Variants in CNTNAP5 observed in about 807,000 individuals in gnomAD.
CNTNAP5 encodes the protein contactin-associated protein-like 5.
A neutral mutation model predicts 150.2 loss-of-function variants in CNTNAP5; 72 were observed. That is an observed-to-expected ratio of 0.48 (90% CI 0.40 to 0.58). The LOEUF is 0.58. Ranked by LOEUF, CNTNAP5 falls within the 20% of genes least tolerant of loss-of-function variation. CNTNAP5 has a pLI of 0.00. For missense variants in CNTNAP5, 1,636 were observed against 1,626.2 expected, an observed-to-expected ratio of 1.01 and a Z score of -0.10; for synonymous variants, 672 against 619.8, an observed-to-expected ratio of 1.08 and a Z score of -1.25.
chr2:124,096,986 G>A (rs1682953586), intron 1 of CNTNAP5, among the ~76,000 whole-genome samples: 1 of 152,076 alleles, frequency 6.6e-6, no homozygotes, highest in African/African-American at 2.4e-5. Context: ...TTACAGGTGT[G>A]AGCCAGTGTG....
chr2:124,331,045 T>C (rs1440955563), intron 3 of CNTNAP5, among the ~76,000 whole-genome samples: 1 of 152,114 alleles, frequency 6.6e-6, no homozygotes, highest in Non-Finnish European at 1.5e-5. Context: ...TATCAGAAAT[T>C]ACCAGAAACT....
intron 11 of CNTNAP5, among the ~76,000 whole-genome samples, chr2:124,592,375 A>ATGTG (rs10675321): frequency 0.43 from 63,946 of 149,546 alleles, 14,064 homozygotes; most frequent in East Asian, 0.76. Flanking sequence ...GTATATATAT[A>ATGTG]TGTGTGTGTG....
At chr2:124,229,990 A>G (rs1467883508) in intron 2 of CNTNAP5, among the ~76,000 whole-genome samples, 2 of 151,870 alleles carry the variant, frequency 1.3e-5, no homozygotes, top group Non-Finnish European at 2.9e-5. Flanking sequence ...ATTTTTTGAG[A>G]TGCTTGCCTG....
intron 13 of CNTNAP5, among the ~76,000 whole-genome samples, chr2:124,687,427 T>G (rs1679214702): frequency 6.6e-6 from 1 of 152,068 alleles, no homozygotes. Context: ...TTTAACATTC[T>G]TTAAGACCTT....
intron 6 of CNTNAP5, among the ~76,000 whole-genome samples, chr2:124,454,996 A>T (rs1693085020): frequency 6.6e-6 from 1 of 152,134 alleles, no homozygotes; most frequent in African/African-American, 2.4e-5. Context: ...CTAGAGAAAC[A>T]AGAACAAACT....
At chr2:124,374,687 A>G (rs925066145) in intron 3 of CNTNAP5, among the ~76,000 whole-genome samples, 3 of 152,120 alleles carry the variant, frequency 2.0e-5, no homozygotes, top group African/African-American at 7.2e-5. Flanking sequence ...CATAAGTCAG[A>G]CCAACTCTAT....
intron 3 of CNTNAP5, among the ~76,000 whole-genome samples, chr2:124,328,454 C>G (rs1689272987): frequency 6.6e-6 from 1 of 152,148 alleles, no homozygotes; most frequent in African/African-American, 2.4e-5. Flanking sequence ...GAGCTCAATC[C>G]AAAATCTCCA....
At chr2:124,431,158 G>A (rs946858044) in intron 4 of CNTNAP5, among the ~76,000 whole-genome samples, 24 of 152,240 alleles carry the variant, frequency 1.6e-4, no homozygotes, top group Non-Finnish European at 2.6e-4. Context: ...TCATGACAAC[G>A]TGGAGATGTG....
At chr2:124,307,917 T>G (rs1439978801) in intron 3 of CNTNAP5, among the ~76,000 whole-genome samples, 1 of 152,184 alleles carries the variant, frequency 6.6e-6, no homozygotes, top group South Asian at 2.1e-4. Flanking sequence ...CCAGGCCTGC[T>G]GGATCAGAAC....
At chr2:124,775,938 A>G (rs1434552052) in intron 17 of CNTNAP5, among the ~76,000 whole-genome samples, 3 of 152,176 alleles carry the variant, frequency 2.0e-5, no homozygotes, top group African/African-American at 7.2e-5. Context: ...AGATCTGAGT[A>G]TGCATTCCTG....
At chr2:124,403,294 CTCTG>C (rs1433903076) in intron 3 of CNTNAP5, among the ~76,000 whole-genome samples, 11 of 151,884 alleles carry the variant, frequency 7.2e-5, no homozygotes, top group South Asian at 2.1e-4. Flanking sequence ...TTTTTTTTCT[CTCTG>C]TCTTTCTTTC....
chr2:124,471,180 A>G (rs959029167), intron 6 of CNTNAP5, among the ~76,000 whole-genome samples: 1 of 152,172 alleles, frequency 6.6e-6, no homozygotes, highest in African/African-American at 2.4e-5. Context: ...CATTTTCACA[A>G]TATTGATTCT....
intron 1 of CNTNAP5, among the ~76,000 whole-genome samples, chr2:124,212,094 G>T (rs1283031189): frequency 6.6e-6 from 1 of 152,132 alleles, no homozygotes; most frequent in Non-Finnish European, 1.5e-5. Context: ...TTCTTTAGTT[G>T]CCTCCTTTCC....
intron 3 of CNTNAP5, among the ~76,000 whole-genome samples, chr2:124,257,070 C>A (rs1300924369): frequency 6.6e-6 from 1 of 152,112 alleles, no homozygotes; most frequent in Non-Finnish European, 1.5e-5. Context: ...CAAAGACTAC[C>A]AAGAGCCTCT....
intron 11 of CNTNAP5, among the ~76,000 whole-genome samples, chr2:124,588,443 G>A (rs1696605548): frequency 6.6e-6 from 1 of 151,768 alleles, no homozygotes; most frequent in Non-Finnish European, 1.5e-5. Flanking sequence ...GTCGGTCTGA[G>A]GAACATACTC....
intron 12 of CNTNAP5, among the ~76,000 whole-genome samples, chr2:124,618,069 T>A (rs757378802): frequency 6.6e-6 from 1 of 152,018 alleles, no homozygotes; most frequent in Non-Finnish European, 1.5e-5. Context: ...CATAAAGCTG[T>A]GACTGAACAG....
chr2:124,733,270 T>A (rs1680311435), intron 13 of CNTNAP5, among the ~76,000 whole-genome samples: 1 of 152,092 alleles, frequency 6.6e-6, no homozygotes, highest in South Asian at 2.1e-4. Flanking sequence ...AAATTGCAAT[T>A]TGTTAAGGAA....
chr2:124,778,337 A>T lies in CNTNAP5; in HGVS notation c.2752+5320A>T, dbSNP rs1046174938. 3 of 152,204 alleles carry T rather than the reference A, an allele frequency of 2.0e-5. No homozygotes were observed. The East Asian group carries it at 5.8e-4, about 29-fold the overall frequency. 9.4% of individuals were successfully genotyped at this position (152,204 alleles called of 1,614,324 possible). Reference sequence around the variant, plus strand: ...AGAAAGCCCTTGGGCAGAGTAGGGGATGGGAAGTGTGTCGAAAACCTCCAG... The same window carrying T: ...AGAAAGCCCTTGGGCAGAGTAGGGGTTGGGAAGTGTGTCGAAAACCTCCAG... On this transcript the variant is annotated intron_variant, in intron 17 of 23. Coordinates refer to ENST00000682447, the MANE Select transcript of CNTNAP5 (RefSeq NM_001367498.1).
Position 124,136,734 on chromosome 2 carries a change from C to T in CNTNAP5, c.83-84971C>T, listed in dbSNP as rs182363000. Among the ~76,000 whole-genome samples, 527 of 152,222 alleles carry T rather than the reference C, an allele frequency of 3.5e-3. 4 individuals carry two copies. The highest frequency in any genetic ancestry group is 0.012 in the African/African-American group (489 of 41,532). On this transcript the variant is annotated intron_variant, in intron 1 of 23. Coordinates refer to ENST00000682447, the MANE Select transcript of CNTNAP5 (RefSeq NM_001367498.1). ...CTGTAGAGTTAACAAGACTAGGGAA[C>T]GTGTAAGCAAAATCAAGTTTATACT...
Sources: gnomAD v4.1 joint callset for allele counts (sites outside exome capture counted in the v4.1 genomes callset) on GRCh38, gnomAD v4.1.1 for gene constraint, MANE v1.5 for transcripts, NCBI Gene and HGNC (gene_info 2026-07-23, HGNC 2026-07-21) for gene names.